Variants in DGKB observed in about 807,000 individuals in gnomAD.
DGKB encodes 90 kDa diacylglycerol kinase.
DGKB carries 67 observed loss-of-function variants against 114.3 expected under a neutral mutation model. The ratio of observed to expected loss-of-function variants is 0.59; its 90% CI spans 0.48 to 0.72. DGKB has a LOEUF of 0.72. Ranked by LOEUF, DGKB falls within the 30% of genes least tolerant of loss-of-function variation. The pLI is 0.00. For missense variants in DGKB, 907 were observed against 975.2 expected, an observed-to-expected ratio of 0.93 and a Z score of 0.93; for synonymous variants, 398 against 323.1, an observed-to-expected ratio of 1.23 and a Z score of -2.49.
At position 14,684,110 on chromosome 7, in the gene DGKB, T is replaced by C. The variant is rs183068742; in HGVS notation, c.829+1135A>G. ...TTTCAAACGTAGCTGTCAGAGACTA[T>C]GTTACACATGGCAAATTTCAGGTAA... On this transcript the variant is annotated intron_variant, in intron 10 of 25. Transcript: ENST00000402815. Among the ~76,000 whole-genome samples, 76 of 152,298 alleles carry C rather than the reference T, an allele frequency of 5.0e-4. 1 individual carries two copies. In the East Asian group the frequency reaches 8.1e-3, roughly 16 times the overall value.
chr7:14,923,180 A>G lies in DGKB; in HGVS notation c.-188+51516T>C, dbSNP rs183841022. Among the ~76,000 whole-genome samples, 455 of 152,280 alleles carry G rather than the reference A, an allele frequency of 3.0e-3. 1 individual carries two copies. The highest frequency in any genetic ancestry group is 6.8e-3 in the Middle Eastern group (2 of 292). ...TCAAATTGTGATTTTTTAGAAGGCA[A>G]TTTATATTTTCTTTGGTATTTTCTA... On this transcript the variant is annotated intron_variant, in intron 1 of 4. Coordinates refer to the DGKB transcript ENST00000437998.
At chr7:14,188,638 C>T (rs183781868) in intron 23 of DGKB, among the ~76,000 whole-genome samples, 8,199 of 95,726 alleles carry the variant, frequency 0.086, 876 homozygotes, top group African/African-American at 0.23. Flanking sequence ...CCAGCCTGGG[C>T]GACAAAGCGA....
chr7:14,199,922 C>G (rs1234435435), intron 23 of DGKB, among the ~76,000 whole-genome samples: 1 of 151,854 alleles, frequency 6.6e-6, no homozygotes, highest in Non-Finnish European at 1.5e-5. Flanking sequence ...AACAAACAAA[C>G]AAACAAAAAC....
chr7:14,587,758 G>A (rs1366054893), intron 17 of DGKB, among the ~76,000 whole-genome samples: 2 of 152,020 alleles, frequency 1.3e-5, no homozygotes, highest in Non-Finnish European at 2.9e-5. Flanking sequence ...ATGACTCCCT[G>A]GAGGCTCACA....
intron 20 of DGKB, among the ~76,000 whole-genome samples, chr7:14,545,270 C>T (rs1794100019): frequency 6.6e-6 from 1 of 152,096 alleles, no homozygotes; most frequent in African/African-American, 2.4e-5. Context: ...GAGAGACTCC[C>T]ACTGAAGTCT....
chr7:14,885,895 AT>A (rs894510853), intron 1 of DGKB, among the ~76,000 whole-genome samples: 1 of 151,740 alleles, frequency 6.6e-6, no homozygotes, highest in Admixed American at 6.6e-5. Flanking sequence ...AATCTACAGA[AT>A]TTTTTTTCTT....
chr7:14,785,244 G>A (rs1180799676), intron 2 of DGKB, among the ~76,000 whole-genome samples: 1 of 151,898 alleles, frequency 6.6e-6, no homozygotes, highest in Non-Finnish European at 1.5e-5. Context: ...ATAACAAATA[G>A]GCATTTTAAA....
At chr7:14,350,084 C>G (rs557602313) in intron 21 of DGKB, among the ~76,000 whole-genome samples, 12 of 152,194 alleles carry the variant, frequency 7.9e-5, no homozygotes, top group Admixed American at 6.5e-4. Flanking sequence ...ATTTAATGCT[C>G]AAAGTGCTTG....
chr7:14,955,602 A>G (rs1786457401), intron 1 of DGKB, among the ~76,000 whole-genome samples: 1 of 152,048 alleles, frequency 6.6e-6, no homozygotes, highest in Admixed American at 6.6e-5. Context: ...GCAAAGCCTA[A>G]AGCTCCCTGC....
At chr7:14,603,643 G>A (rs990403993) in intron 17 of DGKB, among the ~76,000 whole-genome samples, 2 of 152,034 alleles carry the variant, frequency 1.3e-5, no homozygotes, top group Non-Finnish European at 2.9e-5. Flanking sequence ...TAGGTTGACT[G>A]TTGCATTATA....
intron 20 of DGKB, among the ~76,000 whole-genome samples, chr7:14,548,311 A>G (rs565114133): frequency 6.6e-6 from 1 of 152,330 alleles, no homozygotes; most frequent in Admixed American, 6.5e-5. Flanking sequence ...AACAGGTGCA[A>G]CTGAGAAACA....
chr7:14,539,913 T>C (rs913787415), intron 20 of DGKB, among the ~76,000 whole-genome samples: 2 of 152,124 alleles, frequency 1.3e-5, no homozygotes, highest in African/African-American at 2.4e-5. Context: ...TTATTCTCTA[T>C]AATAATTTGA....
intron 21 of DGKB, among the ~76,000 whole-genome samples, chr7:14,381,724 C>G (rs1275973473): frequency 6.6e-6 from 1 of 152,172 alleles, no homozygotes; most frequent in Non-Finnish European, 1.5e-5. Flanking sequence ...ATCTACCTGC[C>G]TCAGCTTCTC....
chr7:14,232,374 A>T (rs1176520829), intron 23 of DGKB, among the ~76,000 whole-genome samples: 1 of 27,006 alleles, frequency 3.7e-5, no homozygotes, highest in Non-Finnish European at 5.3e-5. Context: ...TAAGTTAGTG[A>T]AAAAAAAAAA....
intron 21 of DGKB, among the ~76,000 whole-genome samples, chr7:14,407,784 CAT>C (rs1247787933): frequency 6.6e-6 from 1 of 151,972 alleles, no homozygotes; most frequent in Non-Finnish European, 1.5e-5. Context: ...TGCTGTAAAT[CAT>C]GTGCTTCAGT....
At chr7:14,238,601 A>T (rs7799051) in intron 23 of DGKB, among the ~76,000 whole-genome samples, 22,112 of 151,786 alleles carry the variant, frequency 0.15, 1,780 homozygotes, top group African/African-American at 0.2. Context: ...AACAGCAATG[A>T]TCGTAGCAAA....
intron 21 of DGKB, among the ~76,000 whole-genome samples, chr7:14,446,193 G>A (rs9690425): frequency 0.35 from 53,106 of 151,724 alleles, 9,605 homozygotes; most frequent in South Asian, 0.41. Flanking sequence ...GAGAAAATCC[G>A]GGCGATAGTA....
chr7:14,467,335 A>C (rs758406838), intron 21 of DGKB, among the ~76,000 whole-genome samples: 10 of 150,970 alleles, frequency 6.6e-5, no homozygotes, highest in Non-Finnish European at 1.5e-4. Context: ...CATGTGTGAA[A>C]TATCTTGATT....
At chr7:14,874,760 T>C (rs1853018179) in intron 1 of DGKB, among the ~76,000 whole-genome samples, 1 of 152,248 alleles carries the variant, frequency 6.6e-6, no homozygotes, top group East Asian at 1.9e-4. Flanking sequence ...CAAAATTATA[T>C]GCCGATCTTC....
Sources: allele counts gnomAD v4.1 joint callset (sites outside exome capture counted in the v4.1 genomes callset), GRCh38; gene constraint gnomAD v4.1.1; transcripts MANE v1.5; gene names NCBI Gene and HGNC (gene_info 2026-07-23, HGNC 2026-07-21).